TSC2: variants seen among roughly 807,000 people sequenced by gnomAD.
TSC2 encodes the protein tuberin.
Under a neutral mutation model 202.2 loss-of-function variants are expected in TSC2, and 29 were observed. The ratio of observed to expected loss-of-function variants is 0.14; its 90% CI spans 0.11 to 0.20. The LOEUF (loss-of-function observed/expected upper bound fraction) is 0.20, where lower values mean the gene tolerates loss of function less well. TSC2 is among the 10% of genes least tolerant of loss of function. TSC2 has a pLI of 1.00. For missense variants in TSC2, 2,429 were observed against 2,420.0 expected, an observed-to-expected ratio of 1.00 and a Z score of -0.08; for synonymous variants, 1,349 against 1,044.0, an observed-to-expected ratio of 1.29 and a Z score of -5.63.
intron 4 of TSC2, 170 bp from the exon 5 acceptor site, chr16:2,054,126 C>T (rs997552342): frequency 8.4e-6 from 9 of 1,075,424 alleles, no homozygotes; most frequent in Middle Eastern, 3.0e-4. Flanking sequence ...GCATCCGGCC[C>T]CCTGCCCTGT....
In TSC2 at chr16:2,062,517, G is replaced by A. The variant is rs749771063; in HGVS notation, c.1278G>A (p.Leu426=). The change falls in exon 13 of 42, where the codon CTG becomes CTA. Residue 426 remains leucine, a synonymous_variant. Coordinates refer to ENST00000219476, the MANE Select transcript of TSC2 (RefSeq NM_000548.5). ...GACAGGAGTCCTCCCTCCTGAACCT[G>A]ATCTCCTATAGAGCGCAGTCCATCC... ...DQRPESSLLN[L]ISYRAQSIHP... is the part of the protein sequence containing the mutation. 2 of 1,611,764 alleles carry A rather than the reference G, an allele frequency of 1.2e-6. No individual in the cohort carries two copies. Among genetic ancestry groups the A allele is most frequent in the Admixed American group, 1.7e-5 (1 of 59,798 alleles).
intron 2 of TSC2, among the ~76,000 whole-genome samples, chr16:2,049,395 A>C (rs2084803192): frequency 2.0e-5 from 3 of 151,718 alleles, no homozygotes; most frequent in Non-Finnish European, 4.4e-5. Context: ...CTAGGTCGTT[A>C]TCTTTTATGT....
Position 2,081,777 on chromosome 16 carries a change from C to A in TSC2, c.3793C>A (p.Pro1265Thr). 6.2e-7 allele frequency: 1 copy of A among 1,612,540 alleles called. No individual in the cohort carries two copies. Among genetic ancestry groups the A allele is most frequent in the African/African-American group, 1.3e-5 (1 of 75,056 alleles). The change falls in exon 31 of 42, where the codon CCT (proline) becomes ACT (threonine). Residue 1265 changes from proline (P) to threonine (T), a missense_variant. Pro to Thr is a conservative substitution (Grantham distance 38). Transcript: ENST00000219476. ...VPAASTAKPP[P>T]LPRSNTVASF... Reference sequence around the variant, plus strand: ...GGCAGCCAGCACGGCCAAACCCCCTCCTCTGCCTCGCTCCAACACAGGTGA... The same window carrying A: ...GGCAGCCAGCACGGCCAAACCCCCTACTCTGCCTCGCTCCAACACAGGTGA...
intron 19 of TSC2, 120 bp downstream of exon 19, chr16:2,072,054 C>A: frequency 6.8e-7 from 1 of 1,478,942 alleles, no homozygotes; most frequent in South Asian, 1.3e-5. Flanking sequence ...TCCCTCAGAG[C>A]TGAGCCTTCC....
intron 30 of TSC2, chr16:2,080,695 A>G (rs1028281480): frequency 1.4e-4 from 49 of 349,162 alleles, no homozygotes; most frequent in East Asian, 2.6e-4. Context: ...TGTGTTAGCC[A>G]GGATGGTCTC....
intron 21 of TSC2, 117 bp downstream of exon 21, chr16:2,073,100 G>C: frequency 6.6e-7 from 1 of 1,507,492 alleles, no homozygotes; most frequent in South Asian, 1.2e-5. Flanking sequence ...GGATGAGTGA[G>C]TTGGCTCTGC....
chr16:2,052,966 G>A (rs578143299), intron 3 of TSC2, among the ~76,000 whole-genome samples: 2 of 152,196 alleles, frequency 1.3e-5, no homozygotes, highest in African/African-American at 4.8e-5. Flanking sequence ...AGGGCTTAGT[G>A]TGCACTTGTG....
Position 2,081,788 on chromosome 16 carries a change from C to T in TSC2, c.3804C>T (p.Arg1268=), listed in dbSNP as rs1358080651. 1 of 1,612,390 alleles carries T rather than the reference C, an allele frequency of 6.2e-7. No homozygotes were observed. Among genetic ancestry groups the T allele is most frequent in the Non-Finnish European group, 8.5e-7 (1 of 1,179,976 alleles). Residue 1268 remains arginine (R), a synonymous_variant, in exon 31 of 42, where the codon CGC becomes CGT. Coordinates refer to ENST00000219476, the MANE Select transcript of TSC2 (RefSeq NM_000548.5). ...ASTAKPPPLP[R]SNTVASFSSL... is the part of the protein sequence containing the mutation. ...CGGCCAAACCCCCTCCTCTGCCTCGCTCCAACACAGGTGAGTGGCATGGCG... is the reference window on the plus strand; with the variant it reads ...CGGCCAAACCCCCTCCTCTGCCTCGTTCCAACACAGGTGAGTGGCATGGCG...
intron 2 of TSC2, among the ~76,000 whole-genome samples, chr16:2,049,705 A>G (rs1411253145): frequency 2.0e-5 from 3 of 151,598 alleles, no homozygotes; most frequent in African/African-American, 4.8e-5. Flanking sequence ...GGGCGCCTGT[A>G]ATTCCAGCTA....
intron 3 of TSC2, among the ~76,000 whole-genome samples, chr16:2,051,089 G>C (rs1434531645): frequency 5.3e-5 from 8 of 151,916 alleles, no homozygotes; most frequent in Admixed American, 5.3e-4. Context: ...ACTTTGGGAG[G>C]CCGAGGTGGG....
At position 2,056,016 on chromosome 16, in the gene TSC2, C is replaced by A. The variant is rs537423263; in HGVS notation, c.600-180C>A. 1.2e-3 allele frequency: 857 copies of A among 715,900 alleles called. 10 individuals are homozygous for A. Among genetic ancestry groups the A allele is most frequent in the Middle Eastern group, 2.9e-3 (12 of 4,068 alleles). The allele number at this position is 715,900 out of a possible 1,614,324, so 44.3% of individuals were successfully genotyped here. The stretch of plus-strand genomic sequence containing the variant: ...AGCTCTGTCTCACTCATGCTGAACA[C>A]CCAGCACCGAGAGCAGTGGCTGGCG... On this transcript the variant is annotated intron_variant, in intron 6 of 41. Coordinates refer to ENST00000219476, the MANE Select transcript of TSC2 (RefSeq NM_000548.5).
rs2090433367 is a variant in TSC2, at chr16:2,083,803, A to G, written c.3992A>G (p.Asp1331Gly). 1 of 1,611,308 alleles carries G rather than the reference A, an allele frequency of 6.2e-7. No individual in the cohort carries two copies. The highest frequency in any genetic ancestry group is 8.5e-7 in the Non-Finnish European group (1 of 1,179,592). Residue 1331 changes from aspartate to glycine, a missense_variant, in exon 33 of 42, where the codon GAT becomes GGT. By Grantham distance (94) the Asp-to-Gly change is moderately conservative. Coordinates refer to ENST00000219476, the MANE Select transcript of TSC2 (RefSeq NM_000548.5). ...GCGCTAGGCATGGACAGGCGCACGG[A>G]TGCCTACAGCAGGGTGAGTGTGGCT... ...EAALGMDRRT[D>G]AYSRSSSVSS...
At position 2,088,620 on chromosome 16, in the gene TSC2, C is replaced by T. The variant is rs369444910; in HGVS notation, c.*10C>T. 2.5e-6 allele frequency: 4 copies of T among 1,599,226 alleles called. No individual in the cohort carries two copies. Among genetic ancestry groups the T allele is most frequent in the East Asian group, 4.5e-5 (2 of 44,650 alleles). Reference sequence around the variant, plus strand: ...CACCGAGTTTGTGTGAGGCCGGGGCCCTCCCTCCTGCACTGGCCTTGGACG... The same window carrying T: ...CACCGAGTTTGTGTGAGGCCGGGGCTCTCCCTCCTGCACTGGCCTTGGACG... On this transcript the variant is annotated 3_prime_UTR_variant, in exon 42 of 42. Coordinates refer to ENST00000219476, the MANE Select transcript of TSC2 (RefSeq NM_000548.5).
chr16:2,081,547 G>T, intron 30 of TSC2, 48 bp from the exon 31 acceptor site: 7 of 1,611,460 alleles, frequency 4.3e-6, no homozygotes, highest in Non-Finnish European at 5.9e-6. Flanking sequence ...CCAGAGATGG[G>T]TAAGGGGAGG....
At chr16:2,051,394 C>T (rs2085107511) in intron 3 of TSC2, among the ~76,000 whole-genome samples, 1 of 151,738 alleles carries the variant, frequency 6.6e-6, no homozygotes, top group Admixed American at 6.6e-5. Flanking sequence ...GTTACAAGTT[C>T]AGGCCAAGAA....
At chr16:2,074,491 G>T (rs2088970238) in intron 22 of TSC2, 102 bp downstream of exon 22, 3 of 1,433,428 alleles carry the variant, frequency 2.1e-6, no homozygotes, top group African/African-American at 2.8e-5. Context: ...GGGGAACCTG[G>T]GTGTCTCGCC....
chr16:2,068,038 C>T (rs1233731129), intron 16 of TSC2, among the ~76,000 whole-genome samples: 2 of 152,106 alleles, frequency 1.3e-5, no homozygotes, highest in Admixed American at 6.6e-5. Context: ...TGGCTGCTTT[C>T]ATTTCTTTAT....
At chr16:2,074,476 T>C (rs1428877614) in intron 22 of TSC2, 87 bp downstream of exon 22, 4 of 1,520,844 alleles carry the variant, frequency 2.6e-6, no homozygotes, top group Non-Finnish European at 3.6e-6. Context: ...CTCTCAGGAC[T>C]CCTTGGGGAA....
At chr16:2,082,564 G>T in intron 32 of TSC2, 60 bp downstream of exon 32, 1 of 1,585,336 alleles carries the variant, frequency 6.3e-7, no homozygotes, top group Non-Finnish European at 8.6e-7. Flanking sequence ...CATAGGTGCT[G>T]TGCTCGTCGC....
Sources: gnomAD v4.1 joint callset for allele counts (sites outside exome capture counted in the v4.1 genomes callset) on GRCh38, gnomAD v4.1.1 for gene constraint, MANE v1.5 for transcripts, NCBI Gene and HGNC (gene_info 2026-07-23, HGNC 2026-07-21) for gene names.